The following CRACD variants were observed in gnomAD, a reference collection of about 807,000 sequenced individuals.
CRACD encodes the protein capping protein inhibiting regulator of actin dynamics.
CRACD carries 56 observed loss-of-function variants against 106.8 expected under a neutral mutation model. That is an observed-to-expected ratio of 0.52 (90% CI 0.42 to 0.66). CRACD has a LOEUF of 0.66. Ranked by LOEUF, CRACD falls within the 30% of genes least tolerant of loss-of-function variation. The pLI, the probability that CRACD is intolerant of heterozygous loss-of-function variation, is 0.00. For missense variants in CRACD, 1,730 were observed against 1,623.2 expected (o/e 1.07, Z -1.13); for synonymous variants, 754 against 670.8 (o/e 1.12, Z -1.92).
At chr4:56,164,930 C>T (rs568915257) in intron 1 of CRACD, among the ~76,000 whole-genome samples, 3 of 152,228 alleles carry the variant, frequency 2.0e-5, no homozygotes, top group Non-Finnish European at 2.9e-5. Flanking sequence ...CATTTGTTTC[C>T]TTTCAAAGAC....
intron 1 of CRACD, among the ~76,000 whole-genome samples, chr4:56,159,922 C>T (rs111476971): frequency 0.38 from 56,795 of 150,866 alleles, 10,882 homozygotes; most frequent in Middle Eastern, 0.43. Context: ...GCTGGGATTA[C>T]AGGCATGCGC....
At chr4:56,227,640 C>T (rs990975697) in intron 2 of CRACD, among the ~76,000 whole-genome samples, 3 of 152,198 alleles carry the variant, frequency 2.0e-5, no homozygotes, top group African/African-American at 7.2e-5. Flanking sequence ...AGCTGTTCAA[C>T]TCCATCTTCG....
In CRACD at chr4:56,313,197, G is replaced by T. The variant is rs766922824; in HGVS notation, c.355G>T (p.Val119Phe). The T allele has an allele frequency of 4.3e-6, 7 of 1,613,772 alleles. No homozygotes were observed. The highest frequency in any genetic ancestry group is 5.9e-6 in the Non-Finnish European group (7 of 1,179,838). ...CTTTCTATTTTAATCTCCCCTACAG[G>T]TTGCTCCCGTTAAACCGTCTCGGCC... The part of the protein sequence containing the change: ...PGAGSEMEEK[V>F]APVKPSRPKR... Residue 119 changes from valine (V) to phenylalanine (F), a missense_variant and splice_region_variant, in exon 7 of 11, where the codon GTT becomes TTT. Physicochemically the swap from Val to Phe is conservative, Grantham distance 50. Transcript: ENST00000682029.
chr4:56,192,079 TAA>T (rs1737394550), intron 2 of CRACD, among the ~76,000 whole-genome samples: 1 of 152,194 alleles, frequency 6.6e-6, no homozygotes, highest in African/African-American at 2.4e-5. Flanking sequence ...CATTTTGTGA[TAA>T]GTTTACTCTT....
At chr4:56,157,688 A>G (rs188390902) in intron 1 of CRACD, among the ~76,000 whole-genome samples, 13 of 152,274 alleles carry the variant, frequency 8.5e-5, no homozygotes, top group Admixed American at 7.2e-4. Context: ...TGGAGTCGTT[A>G]CTGCATTTAT....
At chr4:56,264,913 T>C (rs1409811576) in intron 2 of CRACD, among the ~76,000 whole-genome samples, 1 of 152,176 alleles carries the variant, frequency 6.6e-6, no homozygotes, top group Non-Finnish European at 1.5e-5. Flanking sequence ...GCAACAAATA[T>C]CTTCTTTCCT....
At position 56,277,088 on chromosome 4, in the gene CRACD, CATGGAAG is replaced by C. The variant is rs1444871018; in HGVS notation, c.-17+4598_-17+4604del. Among the ~76,000 whole-genome samples, 9 of 152,190 alleles carry C rather than the reference CATGGAAG, an allele frequency of 5.9e-5. No homozygotes were observed. In the East Asian group the frequency reaches 1.7e-3, roughly 29 times the overall value. ...AGATAATGGCATAAGCAGAAATTTT[CATGGAAG>C]AAGGAAGATGACAAATAGAATAGGA... On this transcript the variant is annotated intron_variant, in intron 3 of 10. Transcript: ENST00000682029.
intron 2 of CRACD, among the ~76,000 whole-genome samples, chr4:56,231,320 A>G (rs1251384005): frequency 6.6e-6 from 1 of 152,202 alleles, no homozygotes; most frequent in Non-Finnish European, 1.5e-5. Flanking sequence ...CGATGCCTGG[A>G]CAATGGTAGG....
In CRACD at chr4:56,315,461, G is replaced by A. The variant is rs769843830; in HGVS notation, c.1959G>A (p.Lys653=). 2.5e-6 allele frequency: 4 copies of A among 1,613,010 alleles called. No individual in the cohort carries two copies. Among genetic ancestry groups the A allele is most frequent in the Admixed American group, 1.7e-5 (1 of 60,020 alleles). ...CGAGGGCGGGCAGCGGGAAGGCTAA[G>A]CCCCGCCAGGAGTCTCCCAGCAGCG... ...GDARAGSGKA[K]PRQESPSSAS... is the part of the protein sequence containing the mutation. Residue 653 remains lysine (K), a synonymous_variant, in exon 8 of 11, where the codon AAG becomes AAA. Transcript: ENST00000682029. The surrounding 1 kb of genome is among the most constrained non-coding windows in gnomAD (Gnocchi z 4.1).
intron 1 of CRACD, among the ~76,000 whole-genome samples, chr4:56,155,329 C>CA (rs1735731528): frequency 6.6e-6 from 1 of 152,144 alleles, no homozygotes; most frequent in South Asian, 2.1e-4. Context: ...TTGGCCAAGG[C>CA]AAGTGACATG....
chr4:56,197,907 G>T (rs905993561), intron 2 of CRACD, among the ~76,000 whole-genome samples: 12 of 152,098 alleles, frequency 7.9e-5, no homozygotes, highest in Admixed American at 4.6e-4. Context: ...TCGATCTCCT[G>T]ACCTTCTGAT....
chr4:56,111,499 A>AAAATG (rs1050567290), intron 1 of CRACD, among the ~76,000 whole-genome samples: 11 of 152,216 alleles, frequency 7.2e-5, no homozygotes, highest in African/African-American at 2.4e-4. Context: ...AATAAAAGTG[A>AAAATG]AAATGAACCC....
At chr4:56,303,010 T>A (rs1052907164) in intron 4 of CRACD, among the ~76,000 whole-genome samples, 1 of 152,192 alleles carries the variant, frequency 6.6e-6, no homozygotes, top group Non-Finnish European at 1.5e-5. Flanking sequence ...AGGCACAGAT[T>A]TCCACTCTCC....
chr4:56,237,262 A>G (rs956868414), intron 2 of CRACD, among the ~76,000 whole-genome samples: 1 of 152,178 alleles, frequency 6.6e-6, no homozygotes, highest in African/African-American at 2.4e-5. Flanking sequence ...AGAATGAGTT[A>G]TAGATTATAA....
intron 1 of CRACD, among the ~76,000 whole-genome samples, chr4:56,130,681 G>T (rs1023378004): frequency 6.6e-6 from 1 of 152,120 alleles, no homozygotes; most frequent in Non-Finnish European, 1.5e-5. Context: ...TCTACTAGTT[G>T]GTTAGTACAC....
At chr4:56,167,894 A>G (rs573788350) in intron 1 of CRACD, among the ~76,000 whole-genome samples, 1 of 152,336 alleles carries the variant, frequency 6.6e-6, no homozygotes, top group Admixed American at 6.5e-5. Context: ...GAAATAAGTC[A>G]GTTAATTTTA....
At chr4:56,053,303 T>C (rs1335095767) in intron 1 of CRACD, among the ~76,000 whole-genome samples, 2 of 152,168 alleles carry the variant, frequency 1.3e-5, no homozygotes, top group Non-Finnish European at 2.9e-5. Flanking sequence ...AGTATCCTAT[T>C]AGCGTTTTTT....
intron 1 of CRACD, among the ~76,000 whole-genome samples, chr4:56,123,753 A>G (rs1329129835): frequency 2.7e-4 from 41 of 152,050 alleles, no homozygotes; most frequent in Admixed American, 2.6e-3. Flanking sequence ...TACCCCCCCT[A>G]CACTGTCCAT....
At chr4:56,274,880 C>T (rs530863638) in intron 3 of CRACD, among the ~76,000 whole-genome samples, 4 of 152,154 alleles carry the variant, frequency 2.6e-5, no homozygotes, top group Admixed American at 6.5e-5. Context: ...TAGAGTCAAC[C>T]TAAATACCCA....
Sources: allele counts gnomAD v4.1 joint callset (sites outside exome capture counted in the v4.1 genomes callset), GRCh38; gene constraint gnomAD v4.1.1; non-coding constraint Gnocchi (gnomAD v3.1); transcripts MANE v1.5; gene names NCBI Gene and HGNC (gene_info 2026-07-23, HGNC 2026-07-21).